The following TENM4 variants were observed in gnomAD, a reference collection of about 807,000 sequenced individuals.
The protein encoded by TENM4 is teneurin-4.
TENM4 carries 82 observed loss-of-function variants against 243.3 expected under a neutral mutation model. The observed-to-expected ratio is 0.34, with a 90% CI of 0.28 to 0.40. The LOEUF is 0.40. Ranked by LOEUF, TENM4 falls within the 10% of genes least tolerant of loss-of-function variation. TENM4 has a pLI of 1.00. For synonymous variants in TENM4, 1,412 were observed against 1,456.3 expected, an observed-to-expected ratio of 0.97 and a Z score of 0.69; for missense variants, 3,138 against 3,673.3, an observed-to-expected ratio of 0.85 and a Z score of 3.77.
intron 4 of TENM4, among the ~76,000 whole-genome samples, chr11:79,095,750 A>G (rs75368358): frequency 0.011 from 1,653 of 152,368 alleles, 38 homozygotes; most frequent in African/African-American, 0.038. Flanking sequence ...CACATGCCCA[A>G]GAGGTGCTGG....
At position 79,316,318 on chromosome 11, in the gene TENM4, T is replaced by C. The variant is rs1856801499; in HGVS notation, c.-320-18775A>G. On this transcript the variant is annotated intron_variant, in intron 1 of 33. Coordinates refer to ENST00000278550, the MANE Select transcript of TENM4 (RefSeq NM_001098816.3). ...TGAGAGAACAATGGGGAAGGAAAAATATAAACAAGGCTGGTTTCGACATCT... is the reference window on the plus strand; with the variant it reads ...TGAGAGAACAATGGGGAAGGAAAAACATAAACAAGGCTGGTTTCGACATCT... Among the ~76,000 whole-genome samples the C allele has an allele frequency of 1.3e-5, 2 of 152,074 alleles. 1 individual carries two copies. The highest frequency in any genetic ancestry group is 4.2e-4 in the South Asian group (2 of 4,816).
At chr11:79,076,518 A>G (rs995440283) in intron 4 of TENM4, 1 of 152,270 alleles carries the variant, frequency 6.6e-6, no homozygotes, top group Non-Finnish European at 1.5e-5. Context: ...ATTCATTACC[A>G]CGAGAACAGC....
chr11:79,339,703 C>T (rs1013093535), intron 1 of TENM4, among the ~76,000 whole-genome samples: 1 of 148,340 alleles, frequency 6.7e-6, no homozygotes, highest in Admixed American at 6.7e-5. Context: ...AAGGAAGAGA[C>T]ATGAAGGAGC....
rs141485307 is a variant in TENM4, at chr11:78,862,953, C to A, written c.1255+9G>T. 6,261 of 1,437,780 alleles carry A rather than the reference C, an allele frequency of 4.4e-3. 19 individuals are homozygous for A. The highest frequency in any genetic ancestry group is 5.4e-3 in the Non-Finnish European group (5,764 of 1,075,638). 89.1% of individuals were successfully genotyped at this position (1,437,780 alleles called of 1,614,324 possible). ...AGGACTCACAACACGGACAACGCAGCAACCCTACCTTCTGTGGTTCCTTTG... is the reference window on the plus strand; with the variant it reads ...AGGACTCACAACACGGACAACGCAGAAACCCTACCTTCTGTGGTTCCTTTG... On this transcript the variant is annotated intron_variant, in intron 10 of 33. Coordinates refer to ENST00000278550, the MANE Select transcript of TENM4 (RefSeq NM_001098816.3).
At chr11:79,321,667 GA>G (rs1856893532) in intron 1 of TENM4, among the ~76,000 whole-genome samples, 1 of 147,266 alleles carries the variant, frequency 6.8e-6, no homozygotes, top group African/African-American at 2.5e-5. Context: ...AAAAAAAAGG[GA>G]GAGAGAACTT....
At chr11:79,335,505 T>A (rs1291348559) in intron 1 of TENM4, among the ~76,000 whole-genome samples, 6 of 152,168 alleles carry the variant, frequency 3.9e-5, no homozygotes, top group African/African-American at 7.2e-5. Context: ...TTTGTATCAA[T>A]TTTTTTGCAT....
chr11:79,296,937 C>A (rs1023141685), intron 2 of TENM4, among the ~76,000 whole-genome samples: 2 of 152,198 alleles, frequency 1.3e-5, no homozygotes, highest in Non-Finnish European at 2.9e-5. Flanking sequence ...TGGTATTTAT[C>A]TTGTTCTCAG....
intron 3 of TENM4, among the ~76,000 whole-genome samples, chr11:79,198,303 C>T (rs1316079380): frequency 6.6e-6 from 1 of 152,186 alleles, no homozygotes; most frequent in Non-Finnish European, 1.5e-5. Context: ...CTCCCAAATA[C>T]AATCTATGAG....
chr11:79,294,208 T>G (rs747492213), intron 2 of TENM4, among the ~76,000 whole-genome samples: 2 of 152,338 alleles, frequency 1.3e-5, no homozygotes, highest in Non-Finnish European at 2.9e-5. Flanking sequence ...GCTGCTACAA[T>G]TACAGCTACT....
At chr11:79,193,567 G>T (rs369493771) in intron 3 of TENM4, among the ~76,000 whole-genome samples, 1 of 152,104 alleles carries the variant, frequency 6.6e-6, no homozygotes, top group Non-Finnish European at 1.5e-5. Flanking sequence ...TGAGTGACGA[G>T]TTGGGCTGGA....
chr11:78,946,029 C>T (rs1856996144), intron 6 of TENM4, among the ~76,000 whole-genome samples: 1 of 152,212 alleles, frequency 6.6e-6, no homozygotes, highest in African/African-American at 2.4e-5. Flanking sequence ...GCAAGTTATC[C>T]AGAAAATCTA....
chr11:78,774,078 C>T (rs2136001891), intron 17 of TENM4, among the ~76,000 whole-genome samples: 1 of 152,290 alleles, frequency 6.6e-6, no homozygotes, highest in African/African-American at 2.4e-5. Context: ...TTACTTCACT[C>T]TAAGCTTCAG....
At chr11:79,222,452 T>G (rs890132469) in intron 2 of TENM4, among the ~76,000 whole-genome samples, 1 of 152,234 alleles carries the variant, frequency 6.6e-6, no homozygotes, top group Non-Finnish European at 1.5e-5. Context: ...TTGTGAATAG[T>G]GCTGCAATAA....
At chr11:78,855,751 A>T (rs1313042079) in intron 11 of TENM4, among the ~76,000 whole-genome samples, 1 of 152,168 alleles carries the variant, frequency 6.6e-6, no homozygotes, top group East Asian at 1.9e-4. Flanking sequence ...CTGTTAAGAG[A>T]TTTCCTAGAA....
At chr11:79,357,980 T>C (rs1001401971) in intron 1 of TENM4, among the ~76,000 whole-genome samples, 2 of 152,306 alleles carry the variant, frequency 1.3e-5, no homozygotes, top group Middle Eastern at 3.4e-3. Flanking sequence ...TGGAAATAGA[T>C]TAAATGGAAT....
intron 30 of TENM4, among the ~76,000 whole-genome samples, chr11:78,674,936 G>A (rs1858428252): frequency 6.6e-6 from 1 of 152,090 alleles, no homozygotes; most frequent in Non-Finnish European, 1.5e-5. Flanking sequence ...CGCGATCTCG[G>A]CTCATTGCAA....
chr11:78,820,992 C>T (rs560479821), intron 12 of TENM4, among the ~76,000 whole-genome samples: 5 of 152,300 alleles, frequency 3.3e-5, no homozygotes, highest in African/African-American at 7.2e-5. Context: ...GCTTTCTTTG[C>T]AGACGATGGA....
intron 1 of TENM4, among the ~76,000 whole-genome samples, chr11:79,388,894 T>C (rs1038401791): frequency 2.0e-5 from 3 of 152,096 alleles, no homozygotes; most frequent in Non-Finnish European, 4.4e-5. Flanking sequence ...AAAACTGGGA[T>C]GTGTGCATTC....
At chr11:79,084,066 A>C (rs1860744186) in intron 4 of TENM4, among the ~76,000 whole-genome samples, 1 of 152,248 alleles carries the variant, frequency 6.6e-6, no homozygotes, top group Admixed American at 6.5e-5. Context: ...GACGTGATCC[A>C]ATATTTCACC....
Sources: gnomAD v4.1 joint callset for allele counts (sites outside exome capture counted in the v4.1 genomes callset) on GRCh38, gnomAD v4.1.1 for gene constraint, MANE v1.5 for transcripts, NCBI Gene and HGNC (gene_info 2026-07-23, HGNC 2026-07-21) for gene names.